DNAAF10: variants seen among roughly 807,000 people sequenced by gnomAD.
DNAAF10 encodes the protein WD repeat domain 92.
In DNAAF10, 28 loss-of-function variants were observed where a neutral mutation model predicts 43.7. The observed-to-expected ratio is 0.64, with a 90% confidence interval of 0.48 to 0.88. DNAAF10 has a LOEUF of 0.88. Among genes scored for constraint, DNAAF10 ranks in the 40% least tolerant of loss-of-function variants. The probability of loss-of-function intolerance (pLI) is 0.00; values close to 1 mark genes in which losing one functional copy is unlikely to be tolerated. For missense variants in DNAAF10, 403 were observed against 439.1 expected, an observed-to-expected ratio of 0.92 and a Z score of 0.73; for synonymous variants, 156 against 157.3, an observed-to-expected ratio of 0.99 and a Z score of 0.06.
intron 1 of DNAAF10, 98 bp downstream of exon 1, chr2:68,157,163 T>C: frequency 6.8e-7 from 1 of 1,479,990 alleles, no homozygotes; most frequent in Admixed American, 2.2e-5. Flanking sequence ...AGCCATGCTT[T>C]GGGGGACGCT....
At chr2:68,152,589 G>A (rs1673484443) in intron 1 of DNAAF10, among the ~76,000 whole-genome samples, 1 of 151,908 alleles carries the variant, frequency 6.6e-6, no homozygotes, top group Non-Finnish European at 1.5e-5. Flanking sequence ...AGAAGTTGGT[G>A]GTAAATCAAA....
intron 1 of DNAAF10, among the ~76,000 whole-genome samples, chr2:68,151,698 CTT>C (rs924259938): frequency 6.6e-6 from 1 of 152,176 alleles, no homozygotes; most frequent in Non-Finnish European, 1.5e-5. Flanking sequence ...TTTGCTCTCT[CTT>C]TTCTCCTACC....
In DNAAF10 at chr2:68,137,296, T is replaced by C; in HGVS notation, c.768+3A>G. 1 of 1,608,736 alleles carries C rather than the reference T, an allele frequency of 6.2e-7. No individual in the cohort carries two copies. Among genetic ancestry groups the C allele is most frequent in the Middle Eastern group, 1.7e-4 (1 of 6,026 alleles). On this transcript the variant is annotated splice_donor_region_variant and intron_variant, in intron 6 of 7. Transcript: ENST00000295121. ...CATAGAAAGACATTTCCCTCATATTTACCTTTTCTGAAACAGAGGCAAAAC... is the reference window on the plus strand; with the variant it reads ...CATAGAAAGACATTTCCCTCATATTCACCTTTTCTGAAACAGAGGCAAAAC...
At chr2:68,134,394 C>T in intron 7 of DNAAF10, 1 of 1,104,280 alleles carries the variant, frequency 9.1e-7, no homozygotes, top group East Asian at 8.2e-5. Flanking sequence ...CTTTTAGAGG[C>T]AGTGAGTGTT....
chr2:68,146,576 A>G (rs1673321804), intron 2 of DNAAF10, among the ~76,000 whole-genome samples: 1 of 152,190 alleles, frequency 6.6e-6, no homozygotes, highest in Non-Finnish European at 1.5e-5. Flanking sequence ...CCTTTCTCAC[A>G]GTATCTCTCG....
chr2:68,140,655 T>A (rs1673154695), intron 4 of DNAAF10, among the ~76,000 whole-genome samples: 1 of 152,124 alleles, frequency 6.6e-6, no homozygotes, highest in African/African-American at 2.4e-5. Context: ...TCGGATTTCA[T>A]CTCTTCCTTG....
chr2:68,134,588 C>A lies in DNAAF10; in HGVS notation c.866+114G>T, dbSNP rs1672992257. 44 of 1,531,138 alleles carry A rather than the reference C, an allele frequency of 2.9e-5. 1 individual carries two copies. In the South Asian group the frequency reaches 5.4e-4, roughly 19 times the overall value. 94.8% of individuals were successfully genotyped at this position (1,531,138 alleles called of 1,614,324 possible). A position where few individuals can be genotyped will look rare whatever the true frequency, so the allele number is the denominator to read the frequency against. On this transcript the variant is annotated intron_variant, in intron 7 of 7. Coordinates refer to ENST00000295121, the MANE Select transcript of DNAAF10 (RefSeq NM_138458.4). The stretch of plus-strand genomic sequence containing the variant: ...TATGTAACACCATGAAATTTTAAAT[C>A]ATATCAAAATGAACTAAGTCAAAGC...
intron 1 of DNAAF10, among the ~76,000 whole-genome samples, chr2:68,150,439 T>TA (rs1256176836): frequency 1.3e-5 from 2 of 152,246 alleles, no homozygotes; most frequent in African/African-American, 2.4e-5. Flanking sequence ...GAACACCAGT[T>TA]AAAAAAACTT....
chr2:68,144,839 T>C (rs1425450870), intron 2 of DNAAF10, 124 bp from the exon 3 acceptor site: 1 of 1,272,644 alleles, frequency 7.9e-7, no homozygotes, highest in Non-Finnish European at 1.0e-6. Flanking sequence ...GCTATGAAGA[T>C]AGTTTATACA....
chr2:68,132,891 G>A (rs1293767290), intron 7 of DNAAF10, among the ~76,000 whole-genome samples: 1 of 152,208 alleles, frequency 6.6e-6, no homozygotes, highest in Non-Finnish European at 1.5e-5. Flanking sequence ...TAAATCCGCT[G>A]TAGTAAAAAA....
intron 1 of DNAAF10, among the ~76,000 whole-genome samples, chr2:68,155,494 A>C (rs1673574381): frequency 6.9e-6 from 1 of 144,856 alleles, no homozygotes; most frequent in Admixed American, 6.9e-5. Flanking sequence ...ACTCCGTCTC[A>C]AAAAAAAAAA....
Position 68,157,465 on chromosome 2 carries a change from G to T in DNAAF10, c.-22C>A. ...ACATGGTGCAGCCAATTTCAGCTACGGCAACCGCCACACCCAGAGCCCCCA... is the reference window on the plus strand; with the variant it reads ...ACATGGTGCAGCCAATTTCAGCTACTGCAACCGCCACACCCAGAGCCCCCA... On this transcript the variant is annotated 5_prime_UTR_variant, in exon 1 of 8. Coordinates refer to ENST00000295121, the MANE Select transcript of DNAAF10 (RefSeq NM_138458.4). The T allele has an allele frequency of 6.2e-7, 1 of 1,613,492 alleles. No homozygotes were observed. The highest frequency in any genetic ancestry group is 1.3e-5 in the African/African-American group (1 of 75,032).
At chr2:68,138,974 C>T (rs2103888601) in intron 4 of DNAAF10, 117 bp from the exon 5 acceptor site, 2 of 721,568 alleles carry the variant, frequency 2.8e-6, no homozygotes, top group East Asian at 2.6e-5. Context: ...TTAAAAATCA[C>T]ACTGGGTAGT....
intron 1 of DNAAF10, among the ~76,000 whole-genome samples, chr2:68,149,148 T>C (rs948838058): frequency 6.6e-5 from 10 of 152,232 alleles, no homozygotes; most frequent in Non-Finnish European, 1.0e-4. Context: ...ATATTATCCA[T>C]ATAAGGTATA....
In DNAAF10 at chr2:68,132,644, G is replaced by A. The variant is rs3796054; in HGVS notation, c.867-1199C>T. ...AGATGATTTCTTGTAGAAGCTGTTC[G>A]TTCAGTGGTCAATAAATATTTACAA... On this transcript the variant is annotated intron_variant, in intron 7 of 7. Coordinates refer to ENST00000295121, the MANE Select transcript of DNAAF10 (RefSeq NM_138458.4). Among the ~76,000 whole-genome samples, 76 of 152,242 alleles carry A rather than the reference G, an allele frequency of 5.0e-4. No individual in the cohort carries two copies. In the East Asian group the frequency reaches 6.4e-3, roughly 13 times the overall value.
In DNAAF10 at chr2:68,138,797, T is replaced by C. The variant is rs767742803; in HGVS notation, c.578A>G (p.Lys193Arg). 5 of 1,614,210 alleles carry C rather than the reference T, an allele frequency of 3.1e-6. No homozygotes were observed. The Admixed American group carries it at 6.7e-5, about 22-fold the overall frequency. The change falls in exon 5 of 8, where the codon AAA (lysine) becomes AGA (arginine). Residue 193 changes from lysine to arginine, a missense_variant. Transcript: ENST00000295121. ...TGCCATATTTCTGAGATCAAATAGTTTGATATCCCCATTGTCATAGCCAGC... is the reference window on the plus strand; with the variant it reads ...TGCCATATTTCTGAGATCAAATAGTCTGATATCCCCATTGTCATAGCCAGC... ...VCAGYDNGDI[K>R]LFDLRNMALR... is the part of the protein sequence containing the mutation.
chr2:68,155,066 C>T (rs1673559442), intron 1 of DNAAF10, among the ~76,000 whole-genome samples: 1 of 151,978 alleles, frequency 6.6e-6, no homozygotes, highest in African/African-American at 2.4e-5. Flanking sequence ...GCCACTGCAC[C>T]AGGCCTGTTC....
At chr2:68,138,983 G>A in intron 4 of DNAAF10, 126 bp from the exon 5 acceptor site, 1 of 670,626 alleles carries the variant, frequency 1.5e-6, no homozygotes, top group South Asian at 1.9e-5. Flanking sequence ...ACACTGGGTA[G>A]TATCCCATCT....
chr2:68,138,151 G>A (rs1340428766), intron 5 of DNAAF10, among the ~76,000 whole-genome samples: 1 of 152,008 alleles, frequency 6.6e-6, no homozygotes, highest in Non-Finnish European at 1.5e-5. Context: ...CTCCAGCCTG[G>A]GCGACAGAGC....
Sources: allele counts gnomAD v4.1 joint callset (sites outside exome capture counted in the v4.1 genomes callset), GRCh38; gene constraint gnomAD v4.1.1; transcripts MANE v1.5; gene names NCBI Gene and HGNC (gene_info 2026-07-23, HGNC 2026-07-21).